RIMBP2: variants seen among roughly 807,000 people sequenced by gnomAD.
RIMBP2 encodes RIMS binding protein 2.
A neutral mutation model predicts 118.6 loss-of-function variants in RIMBP2; 48 were observed. The observed-to-expected ratio is 0.40, with a 90% CI of 0.32 to 0.51. The LOEUF (loss-of-function observed/expected upper bound fraction) is 0.51. Ranked by LOEUF, RIMBP2 falls within the 20% of genes least tolerant of loss-of-function variation. The pLI is 0.41. For synonymous variants in RIMBP2, 762 were observed against 742.9 expected, an observed-to-expected ratio of 1.03 and a Z score of -0.42; for missense variants, 1,551 against 1,768.3, an observed-to-expected ratio of 0.88 and a Z score of 2.20.
intron 14 of RIMBP2, among the ~76,000 whole-genome samples, chr12:130,433,353 C>T (rs1021597938): frequency 2.6e-5 from 4 of 152,274 alleles, no homozygotes; most frequent in South Asian, 2.1e-4. Flanking sequence ...ACTGCATGTG[C>T]GTGTGACTCC....
Position 130,507,691 on chromosome 12 carries a change from G to A in RIMBP2, c.-126-921C>T, listed in dbSNP as rs1214337891. The stretch of plus-strand genomic sequence containing the variant: ...AAACAAGTAAGGGGATGCTGTCAAC[G>A]AAAGAAGTCACCATGGTTCCTTTCC... On this transcript the variant is annotated intron_variant, in intron 3 of 22. Transcript: ENST00000690449. Among the ~76,000 whole-genome samples the A allele has an allele frequency of 2.0e-5, 3 of 152,312 alleles. No individual in the cohort carries two copies. In the East Asian group the frequency reaches 5.8e-4, roughly 29 times the overall value.
In RIMBP2 at chr12:130,412,565, G is replaced by GGTGTTT. The variant is rs2075801539; in HGVS notation, c.3589+48_3589+53dup. ...TCACCGCCTGCCTCTCTGAGCGGCA[G>GGTGTTT]GTGTTTTGTGGGATAAAATGCACAG... is the stretch of plus-strand genomic sequence containing the variant. On this transcript the variant is annotated intron_variant, in intron 19 of 22. Coordinates refer to ENST00000690449, the MANE Select transcript of RIMBP2 (RefSeq NM_001393629.1). 2.6e-6 allele frequency: 4 copies of GGTGTTT among 1,525,476 alleles called. No individual in the cohort carries two copies. The East Asian group carries it at 9.1e-5, about 35-fold the overall frequency. 94.5% of individuals were successfully genotyped at this position (1,525,476 alleles called of 1,614,324 possible). A position where few individuals can be genotyped will look rare whatever the true frequency, so the allele number is the denominator to read the frequency against.
intron 1 of RIMBP2, among the ~76,000 whole-genome samples, chr12:130,632,849 G>A (rs1422250273): frequency 6.6e-6 from 1 of 152,174 alleles, no homozygotes; most frequent in Non-Finnish European, 1.5e-5. Flanking sequence ...AATTAACAGA[G>A]CCATTTAGGC....
chr12:130,549,183 T>A (rs927582268), intron 2 of RIMBP2, among the ~76,000 whole-genome samples: 1 of 152,182 alleles, frequency 6.6e-6, no homozygotes, highest in South Asian at 2.1e-4. Context: ...GGATATTTCA[T>A]CATTTTCTCC....
At chr12:130,398,974 G>T in intron 22 of RIMBP2, 1 of 391,800 alleles carries the variant, frequency 2.6e-6, no homozygotes. Context: ...TAATTATTTA[G>T]GTCCAATAGT....
intron 2 of RIMBP2, among the ~76,000 whole-genome samples, chr12:130,610,537 A>G (rs935788472): frequency 6.7e-6 from 1 of 149,336 alleles, no homozygotes; most frequent in Middle Eastern, 3.4e-3. Flanking sequence ...TGACTCATCA[A>G]AGTAATTTTC....
intron 6 of RIMBP2, among the ~76,000 whole-genome samples, chr12:130,467,884 C>T (rs2080638728): frequency 6.6e-6 from 1 of 152,186 alleles, no homozygotes; most frequent in African/African-American, 2.4e-5. Flanking sequence ...TTGGCCATGT[C>T]CTGAATTGAT....
chr12:130,685,458 G>A (rs2064994834), intron 1 of RIMBP2, among the ~76,000 whole-genome samples: 1 of 152,198 alleles, frequency 6.6e-6, no homozygotes, highest in Non-Finnish European at 1.5e-5. Context: ...GAGAAGTGAA[G>A]AAGACGACTG....
chr12:130,520,672 C>CAA (rs1162018669), intron 2 of RIMBP2, among the ~76,000 whole-genome samples: 1,264 of 68,486 alleles, frequency 0.018, 33 homozygotes, highest in African/African-American at 0.051. Flanking sequence ...AACTCCATCT[C>CAA]AAAAAAAAAA....
intron 9 of RIMBP2, among the ~76,000 whole-genome samples, chr12:130,449,608 T>C (rs1295238181): frequency 7.0e-6 from 1 of 143,486 alleles, no homozygotes; most frequent in Non-Finnish European, 1.5e-5. Flanking sequence ...TGGCGGGATG[T>C]CCCCTGGAAA....
In RIMBP2 at chr12:130,422,724, G is replaced by A. The variant is rs2076495807; in HGVS notation, c.3130-163C>T. ...AATGGCCTGGGAGAGAACAAAGCCG[G>A]GCACCAGCACCCCACTGTCTACTCG... is the stretch of plus-strand genomic sequence containing the variant. On this transcript the variant is annotated intron_variant, in intron 16 of 22. Coordinates refer to ENST00000690449, the MANE Select transcript of RIMBP2 (RefSeq NM_001393629.1). The surrounding 1 kb of genome is among the most constrained non-coding windows in gnomAD (Gnocchi z 5.2). Among the ~76,000 whole-genome samples the A allele has an allele frequency of 6.6e-6, 1 of 152,196 alleles. No individual in the cohort carries two copies. Among genetic ancestry groups the A allele is most frequent in the African/African-American group, 2.4e-5 (1 of 41,438 alleles).
chr12:130,470,137 G>A (rs969089586), intron 6 of RIMBP2: 1 of 152,344 alleles, frequency 6.6e-6, no homozygotes, highest in African/African-American at 2.4e-5. Flanking sequence ...GGCAGGAGAA[G>A]GCCACTCATG....
At chr12:130,559,037 ATTTTAT>A (rs1181902996) in intron 2 of RIMBP2, among the ~76,000 whole-genome samples, 2 of 151,766 alleles carry the variant, frequency 1.3e-5, no homozygotes, top group Non-Finnish European at 2.9e-5. Context: ...TGTTTTTTAG[ATTTTAT>A]TTTTAATAGA....
At chr12:130,645,061 C>G (rs1429677048) in intron 1 of RIMBP2, among the ~76,000 whole-genome samples, 1 of 152,046 alleles carries the variant, frequency 6.6e-6, no homozygotes, top group Non-Finnish European at 1.5e-5. Context: ...AGTGTTTACA[C>G]CACAGAAATA....
intron 2 of RIMBP2, among the ~76,000 whole-genome samples, chr12:130,545,650 T>A (rs1376167288): frequency 6.6e-6 from 1 of 152,142 alleles, no homozygotes; most frequent in Non-Finnish European, 1.5e-5. Flanking sequence ...CGGGGTAACA[T>A]GACCGAGGAA....
At chr12:130,423,378 C>T (rs1447967253) in intron 16 of RIMBP2, among the ~76,000 whole-genome samples, 2 of 152,132 alleles carry the variant, frequency 1.3e-5, no homozygotes, top group African/African-American at 4.8e-5. Flanking sequence ...CTGGGTGGGC[C>T]CATCGCAAGC....
chr12:130,398,591 C>T, intron 22 of RIMBP2: 1 of 152,572 alleles, frequency 6.6e-6, no homozygotes, highest in East Asian at 1.9e-4. Flanking sequence ...TGAGGAGGAG[C>T]ATAGCTCTCT....
At chr12:130,677,303 G>T (rs568141927) in intron 1 of RIMBP2, among the ~76,000 whole-genome samples, 5 of 152,272 alleles carry the variant, frequency 3.3e-5, no homozygotes, top group African/African-American at 1.2e-4. Flanking sequence ...ACGTGAGCAT[G>T]CTGGGATGAT....
At chr12:130,690,058 A>T (rs1594207652) in intron 1 of RIMBP2, among the ~76,000 whole-genome samples, 1 of 152,276 alleles carries the variant, frequency 6.6e-6, no homozygotes. Flanking sequence ...GCCTCTCAGC[A>T]ACTGGCAGTG....
Sources: allele counts gnomAD v4.1 joint callset (sites outside exome capture counted in the v4.1 genomes callset), GRCh38; gene constraint gnomAD v4.1.1; non-coding constraint Gnocchi (gnomAD v3.1); transcripts MANE v1.5; gene names NCBI Gene and HGNC (gene_info 2026-07-23, HGNC 2026-07-21).